Variants in PARP4 observed in about 807,000 individuals in gnomAD.
PARP4 encodes poly(ADP-ribose) polymerase family member 4.
In PARP4, 120 loss-of-function variants were observed where a neutral mutation model predicts 187.7. That is an observed-to-expected ratio of 0.64 (90% CI 0.55 to 0.74). PARP4 has a LOEUF of 0.74. PARP4 is among the 30% of genes least tolerant of loss of function. The pLI is 0.00. For missense variants in PARP4, 1,836 were observed against 2,070.5 expected, an observed-to-expected ratio of 0.89 and a Z score of 2.20; for synonymous variants, 654 against 740.9, an observed-to-expected ratio of 0.88 and a Z score of 1.90.
rs1873076343 is a variant in PARP4 at position 24,478,085 on chromosome 13, A to G, written c.1632+8T>C. On this transcript the variant is annotated splice_region_variant and intron_variant, in intron 13 of 33. Transcript: ENST00000381989. ...ACCCTCTTTGCTTCTTCCTTGAAAT[A>G]AAAATACCTCAAAGTCTGTGGTGAC... 1.9e-6 allele frequency: 3 copies of G among 1,574,406 alleles called. No individual in the cohort carries two copies. Among genetic ancestry groups the G allele is most frequent in the Admixed American group, 3.7e-5 (2 of 53,410 alleles).
chr13:24,489,474 G>T (rs1465119569), intron 10 of PARP4, among the ~76,000 whole-genome samples: 1 of 152,182 alleles, frequency 6.6e-6, no homozygotes, highest in East Asian at 1.9e-4. Flanking sequence ...CAGGCGTGGT[G>T]GCGTGCGTCT....
At chr13:24,433,109 G>A (rs1391863555) in intron 31 of PARP4, among the ~76,000 whole-genome samples, 1 of 152,156 alleles carries the variant, frequency 6.6e-6, no homozygotes, top group Non-Finnish European at 1.5e-5. Flanking sequence ...ACGTCCTCTG[G>A]AATGTGTCTA....
At chr13:24,449,995 T>C (rs1044911128) in intron 24 of PARP4, among the ~76,000 whole-genome samples, 178 bp from the exon 25 acceptor site, 4 of 152,328 alleles carry the variant, frequency 2.6e-5, no homozygotes, top group Non-Finnish European at 4.4e-5. Flanking sequence ...ATCTGAAAGT[T>C]TGGCTAATTT....
At chr13:24,476,788 G>A (rs1256415568) in intron 14 of PARP4, among the ~76,000 whole-genome samples, 1 of 152,192 alleles carries the variant, frequency 6.6e-6, no homozygotes, top group East Asian at 1.9e-4. Context: ...ACTCTGAGAA[G>A]TGAATATCCT....
chr13:24,452,998 A>T (rs1422251835), intron 23 of PARP4, among the ~76,000 whole-genome samples: 2 of 152,022 alleles, frequency 1.3e-5, no homozygotes, highest in Non-Finnish European at 2.9e-5. Flanking sequence ...GCAGTGGCAC[A>T]ATCTCGGCTC....
At position 24,494,735 on chromosome 13, in the gene PARP4, G is replaced by A; in HGVS notation, c.592-13C>T. 6.3e-7 allele frequency: 1 copy of A among 1,577,160 alleles called. No homozygotes were observed. ...ACTGTCTTCTAGTCTGTGAATTATGGTGTATAGCAAAAGTACAGTCATTAT... is the reference window on the plus strand; with the variant it reads ...ACTGTCTTCTAGTCTGTGAATTATGATGTATAGCAAAAGTACAGTCATTAT... On this transcript the variant is annotated splice_polypyrimidine_tract_variant and intron_variant, in intron 6 of 33. Transcript: ENST00000381989.
At position 24,425,434 on chromosome 13, in the gene PARP4, C is replaced by T. The variant is rs149095853; in HGVS notation, c.4979+1032G>A. On this transcript the variant is annotated intron_variant, in intron 33 of 33. Transcript: ENST00000381989. ...ATCTTTGTCCCCTCTATCAAATCCC[C>T]GTAGCAATAATATTATTAGTTTGAT... 1.8e-3 allele frequency among the ~76,000 whole-genome samples: 273 copies of T among 152,210 alleles called. 2 individuals are homozygous for T. The highest frequency in any genetic ancestry group is 0.012 in the East Asian group (64 of 5,180).
intron 18 of PARP4, chr13:24,459,532 TACACACACACAC>T (rs762453075): frequency 3.2e-6 from 1 of 311,232 alleles, no homozygotes; most frequent in African/African-American, 2.5e-5. Context: ...TCTGTGTGTA[TACACACACACAC>T]ACGCACACAC....
chr13:24,486,298 G>A lies in PARP4; in HGVS notation c.1222C>T (p.Pro408Ser), dbSNP rs1174675519. ...CTAAATATCTGCAAGACATCCACTG[G>A]GCTCTTACTGTAAGAATTAGAAGAA... ...EVLQNHHSKS[P>S]VDVLQIFRVG... The change falls in exon 11 of 34, where the codon CCA becomes TCA. Residue 408 changes from proline to serine, a missense_variant. By Grantham distance (74) the Pro-to-Ser change is moderately conservative. Around this residue, in one of 8 missense-constraint regions of PARP4, gnomAD observed 1,147 missense variants for 1,214.2 expected, o/e 0.94. Transcript: ENST00000381989. 6.3e-7 allele frequency: 1 copy of A among 1,579,988 alleles called. No homozygotes were observed. Among genetic ancestry groups the A allele is most frequent in the African/African-American group, 1.4e-5 (1 of 73,852 alleles).
Position 24,454,981 on chromosome 13 carries a change from G to T in PARP4, c.2758+36C>A, listed in dbSNP as rs751064424. The T allele has an allele frequency of 1.3e-5, 20 of 1,499,508 alleles. No homozygotes were observed. The African/African-American group carries it at 2.7e-4, about 20-fold the overall frequency. 92.9% of individuals were successfully genotyped at this position (1,499,508 alleles called of 1,614,324 possible). ...TACAGAATGTGATTCACATGTAGGG[G>T]AAGCACACGCAGGACCAGGGCCAAA... is the stretch of plus-strand genomic sequence containing the variant. On this transcript the variant is annotated intron_variant, in intron 22 of 33. Coordinates refer to ENST00000381989, the MANE Select transcript of PARP4 (RefSeq NM_006437.4).
At chr13:24,445,965 G>A (rs1362963983) in intron 27 of PARP4, among the ~76,000 whole-genome samples, 2 of 152,056 alleles carry the variant, frequency 1.3e-5, no homozygotes, top group East Asian at 1.9e-4. Context: ...GAATTGGTTG[G>A]GAAAAACACA....
At position 24,455,128 on chromosome 13, in the gene PARP4, AG is replaced by A; in HGVS notation, c.2646del (p.Cys883AlafsTer8). ...GTCACACCCTCCATGGAACTGGAGCAGTCAAGACAAATAATCACTTCGCTCT... is the reference window on the plus strand; with the variant it reads ...GTCACACCCTCCATGGAACTGGAGCATCAAGACAAATAATCACTTCGCTCT... ...ASESEVIICL[D>X]CSSSMEGVTF... On this transcript the variant is annotated frameshift_variant, in exon 22 of 34. Coordinates refer to ENST00000381989, the MANE Select transcript of PARP4 (RefSeq NM_006437.4). LOFTEE classifies it high-confidence loss of function. 1.2e-6 allele frequency: 2 copies of A among 1,613,296 alleles called. No individual in the cohort carries two copies. The highest frequency in any genetic ancestry group is 1.7e-6 in the Non-Finnish European group (2 of 1,179,312).
intron 9 of PARP4, among the ~76,000 whole-genome samples, chr13:24,491,285 T>TA (rs1414136922): frequency 6.6e-6 from 1 of 152,078 alleles, no homozygotes; most frequent in East Asian, 1.9e-4. Context: ...CATGCCTAGC[T>TA]AACTTCTTGT....
At chr13:24,491,849 A>G (rs1291917286) in intron 9 of PARP4, among the ~76,000 whole-genome samples, 1 of 152,218 alleles carries the variant, frequency 6.6e-6, no homozygotes, top group Non-Finnish European at 1.5e-5. Context: ...CCAGAGAAAT[A>G]TGAGTCTGCC....
intron 4 of PARP4, 106 bp from the exon 5 acceptor site, chr13:24,499,482 T>C: frequency 2.3e-6 from 2 of 856,622 alleles, no homozygotes. Context: ...ACATGATAGA[T>C]TCCTTACAAA....
intron 6 of PARP4, among the ~76,000 whole-genome samples, chr13:24,497,527 A>T (rs1470215283): frequency 1.3e-5 from 2 of 152,162 alleles, no homozygotes; most frequent in Non-Finnish European, 2.9e-5. Context: ...CCCAGTAAAC[A>T]TTCCCTTCTA....
chr13:24,461,228 A>C (rs1872202710), intron 17 of PARP4, among the ~76,000 whole-genome samples: 1 of 152,224 alleles, frequency 6.6e-6, no homozygotes, highest in Non-Finnish European at 1.5e-5. Context: ...TTTGACATCA[A>C]AGACATCCAT....
intron 17 of PARP4, among the ~76,000 whole-genome samples, chr13:24,462,794 G>A (rs909747500): frequency 2.0e-5 from 3 of 152,170 alleles, no homozygotes; most frequent in Non-Finnish European, 4.4e-5. Flanking sequence ...ACTGACAATA[G>A]CTGAGAAAAG....
chr13:24,483,276 G>A (rs1270395643), intron 12 of PARP4, among the ~76,000 whole-genome samples: 2 of 151,386 alleles, frequency 1.3e-5, no homozygotes, highest in Admixed American at 6.6e-5. Context: ...CATGAGGTCA[G>A]GAGATCGAGA....
Sources: gnomAD v4.1 joint callset for allele counts (sites outside exome capture counted in the v4.1 genomes callset) on GRCh38, gnomAD v4.1.1 for gene constraint, gnomAD v4.1.1 regional missense constraint, MANE v1.5 for transcripts, NCBI Gene and HGNC (gene_info 2026-07-23, HGNC 2026-07-21) for gene names.